GRIP1: variants seen among roughly 807,000 people sequenced by gnomAD.
The protein encoded by GRIP1 is glutamate receptor-interacting protein 1.
A neutral mutation model predicts 129.9 loss-of-function variants in GRIP1; 45 were observed. That is an observed-to-expected ratio of 0.35 (90% CI 0.27 to 0.44). The LOEUF is 0.44. Among genes scored for constraint, GRIP1 ranks in the 20% least tolerant of loss-of-function variants. The pLI is 1.00. For synonymous variants in GRIP1, 530 were observed against 520.8 expected, an observed-to-expected ratio of 1.02 and a Z score of -0.24; for missense variants, 1,196 against 1,396.8, an observed-to-expected ratio of 0.86 and a Z score of 2.29.
At chr12:66,581,987 A>G (rs979903784) in intron 2 of GRIP1, among the ~76,000 whole-genome samples, 7 of 152,256 alleles carry the variant, frequency 4.6e-5, no homozygotes, top group African/African-American at 1.7e-4. Flanking sequence ...CTTGATGAAC[A>G]TTGATGCAAA....
intron 2 of GRIP1, among the ~76,000 whole-genome samples, chr12:66,543,489 G>C (rs937115348): frequency 6.6e-6 from 1 of 152,122 alleles, no homozygotes; most frequent in Admixed American, 6.6e-5. Flanking sequence ...TCATTTACCA[G>C]AAACATCTGT....
intron 2 of GRIP1, among the ~76,000 whole-genome samples, chr12:66,550,325 C>A (rs2062082541): frequency 6.6e-6 from 1 of 152,026 alleles, no homozygotes; most frequent in South Asian, 2.1e-4. Context: ...AGTAAGTGTT[C>A]AATATATGTT....
At chr12:66,585,582 T>C (rs1251468270) in intron 2 of GRIP1, among the ~76,000 whole-genome samples, 1 of 143,796 alleles carries the variant, frequency 7.0e-6, no homozygotes, top group African/African-American at 2.6e-5. Flanking sequence ...TGTGTCTTTA[T>C]AGCAGCATGA....
At chr12:66,741,729 C>T (rs2036793874) in intron 1 of GRIP1, among the ~76,000 whole-genome samples, 1 of 152,104 alleles carries the variant, frequency 6.6e-6, no homozygotes, top group Admixed American at 6.6e-5. Flanking sequence ...GTACTTACAG[C>T]ACATCTCAAT....
intron 1 of GRIP1, among the ~76,000 whole-genome samples, chr12:66,824,406 G>A (rs1404827727): frequency 6.6e-6 from 1 of 152,154 alleles, no homozygotes; most frequent in Non-Finnish European, 1.5e-5. Flanking sequence ...GCATGGCACT[G>A]GATAATTACT....
chr12:66,985,760 A>T (rs2042302444), intron 1 of GRIP1, among the ~76,000 whole-genome samples: 1 of 152,190 alleles, frequency 6.6e-6, no homozygotes, highest in South Asian at 2.1e-4. Context: ...ATCCTGCCCT[A>T]AAACAGCACT....
chr12:66,929,834 C>T (rs1341205414), intron 1 of GRIP1, among the ~76,000 whole-genome samples: 1 of 152,192 alleles, frequency 6.6e-6, no homozygotes, highest in African/African-American at 2.4e-5. Context: ...CTGTCACCTG[C>T]TCATCTGCCT....
intron 15 of GRIP1, among the ~76,000 whole-genome samples, chr12:66,417,090 C>T (rs1426544487): frequency 6.6e-6 from 1 of 152,090 alleles, no homozygotes; most frequent in Admixed American, 6.6e-5. Context: ...GATGATTCAT[C>T]ACAACCAAGT....
chr12:66,693,354 A>T (rs2035043556), intron 1 of GRIP1, among the ~76,000 whole-genome samples: 1 of 152,142 alleles, frequency 6.6e-6, no homozygotes. Context: ...TCAAGAGCTC[A>T]TTTCACATTG....
At chr12:66,491,196 G>A (rs1372650042) in intron 7 of GRIP1, among the ~76,000 whole-genome samples, 4 of 152,142 alleles carry the variant, frequency 2.6e-5, no homozygotes, top group African/African-American at 9.7e-5. Context: ...CACAATAGCA[G>A]AGATACGGAA....
intron 2 of GRIP1, among the ~76,000 whole-genome samples, chr12:66,580,046 A>G (rs948274037): frequency 6.7e-6 from 1 of 149,246 alleles, no homozygotes; most frequent in Non-Finnish European, 1.5e-5. Context: ...CCATCAGACT[A>G]ACAGCGGATC....
chr12:66,482,190 C>A (rs923362438), intron 7 of GRIP1, among the ~76,000 whole-genome samples: 3 of 152,082 alleles, frequency 2.0e-5, no homozygotes, highest in Admixed American at 6.5e-5. Context: ...CAGAAGGTGC[C>A]TGATGCTCCC....
chr12:66,737,534 G>T (rs557557144), intron 1 of GRIP1, among the ~76,000 whole-genome samples: 12 of 152,144 alleles, frequency 7.9e-5, no homozygotes, highest in African/African-American at 2.6e-4. Flanking sequence ...CATCTGCCTT[G>T]GCCTCCCAAA....
intron 1 of GRIP1, among the ~76,000 whole-genome samples, chr12:66,995,983 G>A (rs1444821161): frequency 6.6e-6 from 1 of 152,084 alleles, no homozygotes; most frequent in Admixed American, 6.5e-5. Flanking sequence ...TACATACGAT[G>A]GAATATTCTT....
chr12:66,415,074 G>A (rs1410234143), intron 15 of GRIP1, among the ~76,000 whole-genome samples: 2 of 151,832 alleles, frequency 1.3e-5, no homozygotes, highest in Admixed American at 1.3e-4. Context: ...ATAGGCACAG[G>A]CAAAGATTTC....
At chr12:66,823,675 C>T (rs2136992993) in intron 1 of GRIP1, among the ~76,000 whole-genome samples, 1 of 152,062 alleles carries the variant, frequency 6.6e-6, no homozygotes, top group Admixed American at 6.6e-5. Flanking sequence ...CAGTAAACAC[C>T]AACCATAATA....
At chr12:67,015,399 C>T (rs2042771338) in intron 1 of GRIP1, among the ~76,000 whole-genome samples, 1 of 152,158 alleles carries the variant, frequency 6.6e-6, no homozygotes, top group Admixed American at 6.6e-5. Context: ...GAGGGGTTCT[C>T]TTGACTCTGA....
chr12:66,839,899 C>T (rs2137045048), intron 1 of GRIP1, among the ~76,000 whole-genome samples: 1 of 152,276 alleles, frequency 6.6e-6, no homozygotes, highest in East Asian at 1.9e-4. Flanking sequence ...TCTCTTATCT[C>T]CGTATTGTCA....
chr12:66,455,628 T>C (rs1038923), intron 10 of GRIP1, 64 bp from the exon 11 acceptor site: 936,780 of 1,460,710 alleles, frequency 0.64, 306,704 homozygotes, highest in African/African-American at 0.74. Context: ...GCCACACTTG[T>C]CAACCAGTAA....
Sources: allele counts gnomAD v4.1 joint callset (sites outside exome capture counted in the v4.1 genomes callset), GRCh38; gene constraint gnomAD v4.1.1; transcripts MANE v1.5; gene names NCBI Gene and HGNC (gene_info 2026-07-23, HGNC 2026-07-21).